Variants in ERCC6 observed in about 807,000 individuals in gnomAD.
ERCC6 encodes the protein ERCC excision repair 6, chromatin remodeling factor.
ERCC6 carries 116 observed loss-of-function variants against 158.7 expected under a neutral mutation model. The ratio of observed to expected loss-of-function variants is 0.73; its 90% confidence interval spans 0.63 to 0.85. The LOEUF (loss-of-function observed/expected upper bound fraction) is 0.85, where lower values mean the gene tolerates loss of function less well. Ranked by LOEUF, ERCC6 falls within the 40% of genes least tolerant of loss-of-function variation. The pLI is 0.00. For missense variants in ERCC6, 1,698 were observed against 1,799.4 expected, an observed-to-expected ratio of 0.94 and a Z score of 1.02; for synonymous variants, 678 against 659.3, an observed-to-expected ratio of 1.03 and a Z score of -0.43.
chr10:49,467,740 T>C (rs1408354228), intron 18 of ERCC6, among the ~76,000 whole-genome samples: 1 of 151,912 alleles, frequency 6.6e-6, no homozygotes, highest in Non-Finnish European at 1.5e-5. Context: ...TATTTTTTTT[T>C]TTATTTTTTG....
intron 5 of ERCC6, among the ~76,000 whole-genome samples, chr10:49,513,741 A>G (rs547200496): frequency 9.9e-5 from 15 of 152,226 alleles, no homozygotes; most frequent in Non-Finnish European, 1.8e-4. Context: ...CCCATAATCC[A>G]ATCACTTCCC....
At chr10:49,519,353 T>A (rs1251246809) in intron 5 of ERCC6, among the ~76,000 whole-genome samples, 1 of 152,200 alleles carries the variant, frequency 6.6e-6, no homozygotes, top group Non-Finnish European at 1.5e-5. Context: ...AGATGTGTAT[T>A]CACAGAACCA....
chr10:49,509,582 T>C (rs939984534), intron 5 of ERCC6, among the ~76,000 whole-genome samples: 3 of 152,194 alleles, frequency 2.0e-5, no homozygotes, highest in Admixed American at 2.0e-4. Context: ...AATTTGTAAA[T>C]AGTAAACTGT....
chr10:49,481,679 T>C (rs1176080376), intron 10 of ERCC6, among the ~76,000 whole-genome samples: 1 of 152,200 alleles, frequency 6.6e-6, no homozygotes, highest in African/African-American at 2.4e-5. Context: ...CATTTCTGCC[T>C]GTGACCACCC....
chr10:49,482,701 C>T lies in ERCC6; in HGVS notation c.2155G>A (p.Ala719Thr), dbSNP rs1170760627. ...TAATATTTTACCTGTACTGGGGAAG[C>T]ATTTGAATATCCCCCCATGGTGATG... ...VPITMGGYSN[A>T]SPVQVKTAYK... Residue 719 changes from alanine (A) to threonine (T), a missense_variant, in exon 10 of 21, where the codon GCT becomes ACT. Coordinates refer to ENST00000355832, the MANE Select transcript of ERCC6 (RefSeq NM_000124.4). 1.2e-6 allele frequency: 2 copies of T among 1,613,778 alleles called. No homozygotes were observed. The highest frequency in any genetic ancestry group is 1.7e-6 in the Non-Finnish European group (2 of 1,179,850).
At chr10:49,496,495 A>G (rs1462311525) in intron 7 of ERCC6, among the ~76,000 whole-genome samples, 2 of 152,246 alleles carry the variant, frequency 1.3e-5, no homozygotes, top group Non-Finnish European at 2.9e-5. Flanking sequence ...GAGCTCAGAA[A>G]TAAATTATTC....
At chr10:49,461,854 A>G (rs1281496859) in intron 18 of ERCC6, among the ~76,000 whole-genome samples, 2 of 152,232 alleles carry the variant, frequency 1.3e-5, no homozygotes, top group African/African-American at 4.8e-5. Context: ...AATAAACCCA[A>G]GCAATGTGTA....
Position 49,459,024 on chromosome 10 carries a change from C to T in ERCC6, c.4273G>A (p.Asp1425Asn), listed in dbSNP as rs773851299. 6.2e-6 allele frequency: 10 copies of T among 1,614,080 alleles called. No homozygotes were observed. Among genetic ancestry groups the T allele is most frequent in the African/African-American group, 5.3e-5 (4 of 74,934 alleles). Residue 1425 changes from aspartate (D) to asparagine (N), a missense_variant, in exon 21 of 21, where the codon GAT becomes AAT. Coordinates refer to ENST00000355832, the MANE Select transcript of ERCC6 (RefSeq NM_000124.4). ...ASALLPTTEHDDLLVEMRNFI... is the reference protein window; with the variant it reads ...ASALLPTTEHNDLLVEMRNFI... ...TTTCTCATCTCCACCAGAAGGTCATCGTGTTCTGTGGTGGGCAGCAGGGCA... is the reference window on the plus strand; with the variant it reads ...TTTCTCATCTCCACCAGAAGGTCATTGTGTTCTGTGGTGGGCAGCAGGGCA...
chr10:49,473,108 C>T (rs1415438168), intron 14 of ERCC6, 80 bp from the exon 15 acceptor site: 4 of 1,593,094 alleles, frequency 2.5e-6, no homozygotes, highest in Admixed American at 3.4e-5. Flanking sequence ...ACATATTGTA[C>T]ACATGGAATT....
intron 1 of ERCC6, among the ~76,000 whole-genome samples, chr10:49,537,006 G>C (rs1837613157): frequency 1.3e-5 from 2 of 152,202 alleles, no homozygotes; most frequent in South Asian, 4.1e-4. Context: ...GTGAGAGTTG[G>C]AAACCAGAAG....
chr10:49,493,238 C>G lies in ERCC6; in HGVS notation c.1700G>C (p.Gly567Ala). 3.7e-6 allele frequency: 6 copies of G among 1,614,060 alleles called. No homozygotes were observed. The highest frequency in any genetic ancestry group is 5.1e-6 in the Non-Finnish European group (6 of 1,180,008). ...RGSNYRFEGL[G>A]PTVIVCPTTV... Reference sequence around the variant, plus strand: ...TGTTGGACAGACAATTACAGTTGGACCCAACCCCTCAAACCTGCATCCAAA... The same window carrying G: ...TGTTGGACAGACAATTACAGTTGGAGCCAACCCCTCAAACCTGCATCCAAA... The change falls in exon 8 of 21, where the codon GGT (glycine) becomes GCT (alanine). Residue 567 changes from glycine (G) to alanine (A), a missense_variant. Coordinates refer to ENST00000355832, the MANE Select transcript of ERCC6 (RefSeq NM_000124.4).
chr10:49,532,490 TC>T, intron 2 of ERCC6, 52 bp downstream of exon 2: 2 of 1,607,208 alleles, frequency 1.2e-6, no homozygotes, highest in South Asian at 2.2e-5. Context: ...TACCTGAATA[TC>T]CCTGTCATGT....
chr10:49,512,167 A>T (rs1023221498), intron 5 of ERCC6, among the ~76,000 whole-genome samples: 2 of 152,216 alleles, frequency 1.3e-5, no homozygotes, highest in African/African-American at 2.4e-5. Context: ...CAAGCATAGC[A>T]GACTGTCATG....
intron 6 of ERCC6, 150 bp from the exon 7 acceptor site, chr10:49,500,846 T>A: frequency 6.3e-6 from 5 of 790,018 alleles, no homozygotes; most frequent in South Asian, 3.2e-5. Flanking sequence ...ATGAGTATTA[T>A]ATTTATAAGG....
At chr10:49,488,795 T>C (rs1052039042) in intron 8 of ERCC6, among the ~76,000 whole-genome samples, 5 of 152,128 alleles carry the variant, frequency 3.3e-5, no homozygotes, top group African/African-American at 1.2e-4. Context: ...TTGCTTTTTT[T>C]CTTTTTGAGA....
chr10:49,527,367 C>A (rs1304943937), intron 4 of ERCC6, among the ~76,000 whole-genome samples: 1 of 152,180 alleles, frequency 6.6e-6, no homozygotes, highest in African/African-American at 2.4e-5. Context: ...TTCTGAGAGG[C>A]TGAACTTTAA....
the ERCC6 span, among the ~76,000 whole-genome samples, chr10:49,447,783 T>A: frequency 6.6e-6 from 1 of 152,154 alleles, no homozygotes; most frequent in Non-Finnish European, 1.5e-5. Flanking sequence ...CTGCTTTCTG[T>A]CTATAGAATT....
chr10:49,478,025 T>C (rs1850908923), intron 11 of ERCC6, among the ~76,000 whole-genome samples: 1 of 152,222 alleles, frequency 6.6e-6, no homozygotes, highest in Non-Finnish European at 1.5e-5. Flanking sequence ...AAAACTTGCT[T>C]TGTTCACTGC....
At chr10:49,501,882 C>CTTGAGGTT (rs1851360858) in intron 6 of ERCC6, 1 of 152,022 alleles carries the variant, frequency 6.6e-6, no homozygotes, top group Non-Finnish European at 1.5e-5. Context: ...ATTGCTTGAG[C>CTTGAGGTT]CATGGAGGTT....
Sources: gnomAD v4.1 joint callset for allele counts (sites outside exome capture counted in the v4.1 genomes callset) on GRCh38, gnomAD v4.1.1 for gene constraint, MANE v1.5 for transcripts, NCBI Gene and HGNC (gene_info 2026-07-23, HGNC 2026-07-21) for gene names.